Variants in CALN1 observed in about 807,000 individuals in gnomAD.
CALN1 encodes calcium-binding protein 8.
Under a neutral mutation model 30.6 loss-of-function variants are expected in CALN1, and 17 were observed. The ratio of observed to expected loss-of-function variants is 0.56; its 90% CI spans 0.38 to 0.83. The LOEUF (loss-of-function observed/expected upper bound fraction) is 0.83, where lower values mean the gene tolerates loss of function less well. Ranked by LOEUF, CALN1 falls within the 40% of genes least tolerant of loss-of-function variation. The pLI is 0.00. For synonymous variants in CALN1, 156 were observed against 131.4 expected (o/e 1.19, Z -1.28); for missense variants, 291 against 354.9 (o/e 0.82, Z 1.45).
At chr7:72,150,872 T>TATGATGATGATGATGATG (rs139046404) in intron 3 of CALN1, among the ~76,000 whole-genome samples, 2,760 of 150,510 alleles carry the variant, frequency 0.018, 36 homozygotes, top group Non-Finnish European at 0.029. Context: ...GCTGTGATGA[T>TATGATGATGATGATGATG]ATGATGATGA....
chr7:71,784,804 C>CT lies in CALN1; in HGVS notation c.*2970dup. 1 of 398,662 alleles carries CT rather than the reference C, an allele frequency of 2.5e-6. No homozygotes were observed. The highest frequency in any genetic ancestry group is 4.4e-6 in the Non-Finnish European group (1 of 226,112). The allele number at this position is 398,662 out of a possible 1,614,324, so 24.7% of individuals were successfully genotyped here. On this transcript the variant is annotated 3_prime_UTR_variant, in exon 7 of 7. Coordinates refer to ENST00000395275, the MANE Select transcript of CALN1 (RefSeq NM_031468.4). ...CAATTCCTGCGGAAGTCACTTCCAG[C>CT]TGGGGCTACATGGCATCCCTTGGGC...
intron 2 of CALN1, among the ~76,000 whole-genome samples, chr7:72,380,483 C>A (rs1347944324): frequency 6.6e-6 from 1 of 152,094 alleles, no homozygotes; most frequent in Non-Finnish European, 1.5e-5. Context: ...ATTAGCTGAG[C>A]ATGGTGGTGC....
intron 5 of CALN1, among the ~76,000 whole-genome samples, chr7:71,925,486 GTTTTTTTGGTTT>G (rs1795218525): frequency 7.5e-6 from 1 of 132,488 alleles, no homozygotes; most frequent in Non-Finnish European, 1.6e-5. Flanking sequence ...TATTTTTTGG[GTTTTTTTGGTTT>G]TTTTTTTTGG....
At chr7:72,413,772 A>T (rs539002936), upstream of CALN1, among the ~76,000 whole-genome samples, 1 of 144,456 alleles carries the variant, frequency 6.9e-6, no homozygotes, top group Non-Finnish European at 1.5e-5. Context: ...TAACAAACAC[A>T]CTACACAGAC....
intron 4 of CALN1, among the ~76,000 whole-genome samples, chr7:72,074,274 G>A (rs1323374555): frequency 6.6e-6 from 1 of 152,172 alleles, no homozygotes; most frequent in Non-Finnish European, 1.5e-5. Context: ...GAACGAAAAT[G>A]TTTCCAGAGA....
chr7:72,449,193 G>T (rs1037527505), upstream of CALN1, among the ~76,000 whole-genome samples: 2 of 152,188 alleles, frequency 1.3e-5, no homozygotes, highest in Non-Finnish European at 2.9e-5. Flanking sequence ...AGGAAGGAAG[G>T]GGATATATGG....
chr7:72,379,322 C>G (rs1340031763), intron 2 of CALN1, among the ~76,000 whole-genome samples: 1 of 152,104 alleles, frequency 6.6e-6, no homozygotes, highest in Non-Finnish European at 1.5e-5. Flanking sequence ...TCTGATAATA[C>G]AGTAATTTTT....
At chr7:72,462,094 G>A in the CALN1 span, among the ~76,000 whole-genome samples, 6 of 152,010 alleles carry the variant, frequency 3.9e-5, no homozygotes, top group African/African-American at 1.5e-4. Context: ...CAGGAAACAG[G>A]TCAAAGACCA....
chr7:72,033,421 G>A (rs10265820), intron 4 of CALN1, among the ~76,000 whole-genome samples: 27,208 of 152,162 alleles, frequency 0.18, 3,371 homozygotes, highest in East Asian at 0.49. Flanking sequence ...AGCATAAGGC[G>A]CAGCTTAGCT....
chr7:72,186,945 C>A (rs1422155792), intron 3 of CALN1, among the ~76,000 whole-genome samples: 2 of 115,372 alleles, frequency 1.7e-5, no homozygotes, highest in Non-Finnish European at 3.4e-5. Flanking sequence ...GTTATATCAG[C>A]ATTTTCTAAA....
chr7:72,046,768 C>T (rs947027243), intron 4 of CALN1, among the ~76,000 whole-genome samples: 1 of 146,576 alleles, frequency 6.8e-6, no homozygotes, highest in Non-Finnish European at 1.5e-5. Flanking sequence ...GGTGCGGTAG[C>T]TCACACCTAT....
At chr7:72,200,650 G>A (rs1321696004) in intron 3 of CALN1, among the ~76,000 whole-genome samples, 1 of 151,798 alleles carries the variant, frequency 6.6e-6, no homozygotes, top group Non-Finnish European at 1.5e-5. Flanking sequence ...CTATGCCCCT[G>A]GGGGATGCGG....
intron 2 of CALN1, among the ~76,000 whole-genome samples, chr7:72,280,646 G>C (rs1415078518): frequency 6.6e-6 from 1 of 152,148 alleles, no homozygotes; most frequent in African/African-American, 2.4e-5. Context: ...TCTTGGGACT[G>C]TGTGTCATGG....
At chr7:71,790,143 GAA>G (rs1441148928) in intron 6 of CALN1, among the ~76,000 whole-genome samples, 1 of 119,244 alleles carries the variant, frequency 8.4e-6, no homozygotes, top group African/African-American at 3.5e-5. Context: ...AAAGAAGAAA[GAA>G]AGAAGAAAGA....
chr7:72,293,542 G>C (rs1164756657), intron 2 of CALN1, among the ~76,000 whole-genome samples: 1 of 152,122 alleles, frequency 6.6e-6, no homozygotes, highest in East Asian at 1.9e-4. Flanking sequence ...TATTGCCAGG[G>C]AATCTGGAAA....
chr7:72,418,886 C>T (rs775832588), intron 1 of CALN1, among the ~76,000 whole-genome samples: 3 of 152,080 alleles, frequency 2.0e-5, no homozygotes, highest in Non-Finnish European at 4.4e-5. Context: ...CATGGTGATG[C>T]ATGCCTGTTA....
At chr7:72,203,221 A>C (rs2129547541) in intron 3 of CALN1, among the ~76,000 whole-genome samples, 1 of 152,266 alleles carries the variant, frequency 6.6e-6, no homozygotes, top group East Asian at 1.9e-4. Flanking sequence ...GCATTAGGAC[A>C]AATACCTAAT....
At chr7:71,932,691 C>T (rs1795618387) in intron 5 of CALN1, among the ~76,000 whole-genome samples, 1 of 151,260 alleles carries the variant, frequency 6.6e-6, no homozygotes, top group African/African-American at 2.4e-5. Context: ...GTGGCGGGCA[C>T]CTGTAGTCCA....
At chr7:72,236,314 C>T (rs1172554289) in intron 3 of CALN1, among the ~76,000 whole-genome samples, 1 of 152,060 alleles carries the variant, frequency 6.6e-6, no homozygotes. Flanking sequence ...TGAAAGAGAA[C>T]ATATAAAATA....
Sources: gnomAD v4.1 joint callset for allele counts (sites outside exome capture counted in the v4.1 genomes callset) on GRCh38, gnomAD v4.1.1 for gene constraint, MANE v1.5 for transcripts, NCBI Gene and HGNC (gene_info 2026-07-23, HGNC 2026-07-21) for gene names.